MAD1L1: variants seen among roughly 807,000 people sequenced by gnomAD.
MAD1L1 encodes mitotic spindle assembly checkpoint protein MAD1.
In MAD1L1, 95 loss-of-function variants were observed where a neutral mutation model predicts 96.9. The ratio of observed to expected loss-of-function variants is 0.98; its 90% CI spans 0.83 to 1.16. The LOEUF (loss-of-function observed/expected upper bound fraction) is 1.16, where lower values mean the gene tolerates loss of function less well. Ranked by LOEUF, MAD1L1 falls within the 50% of genes most tolerant of loss-of-function variation. MAD1L1 has a pLI of 0.00. For missense variants in MAD1L1, 1,007 were observed against 954.4 expected (o/e 1.06, Z -0.73); for synonymous variants, 473 against 396.6 (o/e 1.19, Z -2.29).
chr7:2,183,818 G>A (rs1449335139), intron 10 of MAD1L1, among the ~76,000 whole-genome samples: 5 of 151,740 alleles, frequency 3.3e-5, no homozygotes, highest in Admixed American at 6.6e-5. Context: ...CGAGTTAATC[G>A]GTGCAGCACA....
In MAD1L1 at chr7:1,827,281, G is replaced by A. The variant is rs1381836430; in HGVS notation, c.1999-11053C>T. 2.6e-5 allele frequency among the ~76,000 whole-genome samples: 4 copies of A among 152,234 alleles called. No individual in the cohort carries two copies. The East Asian group carries it at 5.8e-4, about 22-fold the overall frequency. On this transcript the variant is annotated intron_variant, in intron 18 of 18. Coordinates refer to ENST00000265854, the MANE Select transcript of MAD1L1 (RefSeq NM_001013836.2). ...GGGCAGCAGGAGCACAGAACACAAT[G>A]AAGGTTAAGGGAAGAAAGGGGACGC...
intron 14 of MAD1L1, among the ~76,000 whole-genome samples, chr7:1,999,170 C>T (rs1158000529): frequency 6.6e-6 from 1 of 152,210 alleles, no homozygotes; most frequent in Non-Finnish European, 1.5e-5. Flanking sequence ...TTAAACAATA[C>T]AGTTACAATG....
intron 18 of MAD1L1, chr7:1,847,874 C>T (rs1203477904): frequency 1.1e-5 from 4 of 369,896 alleles, no homozygotes; most frequent in Non-Finnish European, 1.1e-5. Context: ...GACAGAGGGT[C>T]CCTGTGACCT....
chr7:1,867,007 CCCGCT>C, intron 18 of MAD1L1, among the ~76,000 whole-genome samples: 1 of 152,294 alleles, frequency 6.6e-6, no homozygotes, highest in South Asian at 2.1e-4. Flanking sequence ...CACTACAGGG[CCCGCT>C]GGGCTCCTGA....
rs1248412889 is a variant in MAD1L1, at chr7:2,146,303, G to A, written c.1073+2849C>T. 5.3e-5 allele frequency among the ~76,000 whole-genome samples: 8 copies of A among 151,226 alleles called. No individual in the cohort carries two copies. The South Asian group carries it at 6.3e-4, about 12-fold the overall frequency. On this transcript the variant is annotated intron_variant, in intron 11 of 18. Transcript: ENST00000265854. The surrounding 1 kb of genome is among the most constrained non-coding windows in gnomAD (Gnocchi z 6.2). ...GGTACCACCTCGATGAGGGAGCACC[G>A]GGCACTGGGCTACGAGGAACAGGGC...
chr7:1,839,659 G>T (rs1272563810), intron 18 of MAD1L1, among the ~76,000 whole-genome samples: 1 of 152,204 alleles, frequency 6.6e-6, no homozygotes, highest in African/African-American at 2.4e-5. Context: ...GGCTTGGGAG[G>T]CAGTGGACCA....
chr7:1,975,715 TCA>T (rs1423920754), intron 15 of MAD1L1, among the ~76,000 whole-genome samples: 1 of 152,020 alleles, frequency 6.6e-6, no homozygotes, highest in Non-Finnish European at 1.5e-5. Context: ...TGAGTGGAGA[TCA>T]CAGAGTGTCC....
rs112031656 is a variant in MAD1L1, at chr7:2,130,771, T to G, written c.1073+18381A>C. ...CACTTCCAGTCACCGATCTTTGTGATGGATTCACTGCCTCTTTCACTGTCC... is the reference window on the plus strand; with the variant it reads ...CACTTCCAGTCACCGATCTTTGTGAGGGATTCACTGCCTCTTTCACTGTCC... On this transcript the variant is annotated intron_variant, in intron 11 of 18. Coordinates refer to ENST00000265854, the MANE Select transcript of MAD1L1 (RefSeq NM_001013836.2). 7.1e-3 allele frequency among the ~76,000 whole-genome samples: 1,084 copies of G among 152,358 alleles called. 7 individuals carry two copies. Among genetic ancestry groups the G allele is most frequent in the Middle Eastern group, 0.02 (6 of 294 alleles).
chr7:2,133,825 C>T (rs961410347), intron 11 of MAD1L1, among the ~76,000 whole-genome samples: 1 of 152,188 alleles, frequency 6.6e-6, no homozygotes, highest in African/African-American at 2.4e-5. Flanking sequence ...CTTTGCTCTG[C>T]GGTCCACGAT....
At chr7:2,038,911 G>T (rs1783558992) in intron 12 of MAD1L1, among the ~76,000 whole-genome samples, 2 of 152,060 alleles carry the variant, frequency 1.3e-5, no homozygotes, top group African/African-American at 4.8e-5. Flanking sequence ...CCTCCCAATA[G>T]CAACATCTGG....
chr7:1,864,431 C>T (rs1316915119), intron 18 of MAD1L1, among the ~76,000 whole-genome samples: 1 of 152,202 alleles, frequency 6.6e-6, no homozygotes, highest in Non-Finnish European at 1.5e-5. Flanking sequence ...GACTGGGGCT[C>T]AGGGCTGGAT....
At chr7:2,228,042 C>T (rs905486550) in intron 3 of MAD1L1, among the ~76,000 whole-genome samples, 29 of 152,092 alleles carry the variant, frequency 1.9e-4, no homozygotes, top group South Asian at 6.2e-4. Context: ...AGAACCACGA[C>T]GAAGTCCAGG....
chr7:2,031,394 G>A (rs1263132280), intron 12 of MAD1L1, among the ~76,000 whole-genome samples: 2 of 152,190 alleles, frequency 1.3e-5, no homozygotes, highest in Non-Finnish European at 2.9e-5. Context: ...CAGCAAGCCT[G>A]GTTTTTACAA....
At chr7:1,902,239 T>C (rs77852970) in intron 17 of MAD1L1, among the ~76,000 whole-genome samples, 3 of 152,116 alleles carry the variant, frequency 2.0e-5, no homozygotes, top group African/African-American at 7.2e-5. Context: ...TGTGCTCCAT[T>C]AGGTAAAGGC....
chr7:1,971,052 C>T (rs1780381861), intron 15 of MAD1L1, among the ~76,000 whole-genome samples: 1 of 152,142 alleles, frequency 6.6e-6, no homozygotes. Context: ...GCATGCAGTG[C>T]CACCCGGGGC....
At chr7:1,877,804 A>G (rs1275450807) in intron 18 of MAD1L1, among the ~76,000 whole-genome samples, 3 of 152,208 alleles carry the variant, frequency 2.0e-5, no homozygotes, top group Non-Finnish European at 4.4e-5. Flanking sequence ...ACATTGCATA[A>G]TTATAATTAC....
chr7:1,950,315 T>TGTCCGTCC (rs57948882), intron 16 of MAD1L1, among the ~76,000 whole-genome samples: 5 of 151,750 alleles, frequency 3.3e-5, no homozygotes, highest in Non-Finnish European at 7.4e-5. Flanking sequence ...ACCATCCGTC[T>TGTCCGTCC]GTCCGTCCGT....
At chr7:2,138,407 G>A (rs544894050) in intron 11 of MAD1L1, among the ~76,000 whole-genome samples, 1 of 152,340 alleles carries the variant, frequency 6.6e-6, no homozygotes, top group African/African-American at 2.4e-5. Context: ...GGCATCCTGA[G>A]AACCACGACG....
In MAD1L1 at chr7:2,069,316, T is replaced by G. The variant is rs758395932; in HGVS notation, c.1096A>C (p.Arg366=). ...CGGAGCTCCTCCTGCAGCTGCTGCC[T>G]GGCCTTCTCCAGCCCCCGGGCGCTG... ...TSSARGLEKA[R]QQLQEELRQV... is the part of the protein sequence containing the mutation. Residue 366 remains arginine (R), a synonymous_variant, in exon 12 of 19, where the codon AGG becomes CGG. Transcript: ENST00000265854. 6.2e-7 allele frequency: 1 copy of G among 1,605,390 alleles called. No homozygotes were observed. Among genetic ancestry groups the G allele is most frequent in the Admixed American group, 1.7e-5 (1 of 59,530 alleles).
Sources: gnomAD v4.1 joint callset for allele counts (sites outside exome capture counted in the v4.1 genomes callset) on GRCh38, gnomAD v4.1.1 for gene constraint, Gnocchi (gnomAD v3.1) non-coding constraint, MANE v1.5 for transcripts, NCBI Gene and HGNC (gene_info 2026-07-23, HGNC 2026-07-21) for gene names.